BNIP2: variants seen among roughly 807,000 people sequenced by gnomAD.
BNIP2 encodes the protein BCL2 interacting protein 2.
BNIP2 carries 36 observed loss-of-function variants against 43.4 expected under a neutral mutation model. The ratio of observed to expected loss-of-function variants is 0.83; its 90% CI spans 0.64 to 1.10. The LOEUF is 1.10. BNIP2 is among the 50% of genes least tolerant of loss of function. The pLI is 0.00. For missense variants in BNIP2, 417 were observed against 374.1 expected (o/e 1.11, Z -0.95); for synonymous variants, 146 against 121.0 (o/e 1.21, Z -1.35).
At chr15:59,682,555 CT>C in intron 1 of BNIP2, 41 bp from the exon 2 acceptor site, 1 of 1,506,422 alleles carries the variant, frequency 6.6e-7, no homozygotes. Context: ...TTCCACTTTA[CT>C]TTTTATCCAC....
chr15:59,676,031 T>C (rs1278213385), intron 5 of BNIP2, among the ~76,000 whole-genome samples: 2 of 152,228 alleles, frequency 1.3e-5, no homozygotes, highest in African/African-American at 2.4e-5. Flanking sequence ...ATGGGTTTTA[T>C]ATATATGGGT....
At chr15:59,681,100 C>G (rs147058160) in intron 2 of BNIP2, among the ~76,000 whole-genome samples, 2 of 152,284 alleles carry the variant, frequency 1.3e-5, no homozygotes, top group East Asian at 1.9e-4. Flanking sequence ...TTTTTACTCA[C>G]GAGACTACAG....
intron 1 of BNIP2, 112 bp from the exon 2 acceptor site, chr15:59,682,626 G>T: frequency 1.3e-6 from 1 of 767,246 alleles, no homozygotes. Context: ...CAATGGTCTG[G>T]TCATGAAATT....
chr15:59,670,125 T>C (rs1892807942), intron 7 of BNIP2, among the ~76,000 whole-genome samples: 1 of 152,156 alleles, frequency 6.6e-6, no homozygotes. Context: ...TACAACTAAA[T>C]AAGCACCATT....
intron 9 of BNIP2, among the ~76,000 whole-genome samples, chr15:59,665,974 G>C (rs1243099666): frequency 1.2e-5 from 1 of 83,418 alleles, no homozygotes; most frequent in South Asian, 3.5e-4. Context: ...AAAAAATTTG[G>C]AATGTATTTC....
At chr15:59,666,032 C>A (rs1367563043) in intron 9 of BNIP2, among the ~76,000 whole-genome samples, 1 of 152,032 alleles carries the variant, frequency 6.6e-6, no homozygotes, top group African/African-American at 2.4e-5. Flanking sequence ...TCTGAAATAT[C>A]CTTACCAACT....
rs144747088 is a variant in BNIP2, at chr15:59,667,753, G to A, written c.893+1139C>T. On this transcript the variant is annotated intron_variant, in intron 9 of 9. Transcript: ENST00000607373. Reference sequence around the variant, plus strand: ...AAATATTTCAAAAGCACAAGTTAGCGATTTAAAGAAAATGGTGAAACAGAT... The same window carrying A: ...AAATATTTCAAAAGCACAAGTTAGCAATTTAAAGAAAATGGTGAAACAGAT... Among the ~76,000 whole-genome samples, 716 of 152,318 alleles carry A rather than the reference G, an allele frequency of 4.7e-3. 7 individuals are homozygous for A. The highest frequency in any genetic ancestry group is 0.017 in the African/African-American group (699 of 41,580).
At chr15:59,664,409 T>G (rs1892444812) in intron 9 of BNIP2, among the ~76,000 whole-genome samples, 1 of 151,808 alleles carries the variant, frequency 6.6e-6, no homozygotes. Flanking sequence ...TGAGACGGAG[T>G]CTTGCTCTGT....
intron 9 of BNIP2, 174 bp downstream of exon 9, chr15:59,668,718 G>C (rs930270996): frequency 1.9e-6 from 1 of 538,718 alleles, no homozygotes; most frequent in African/African-American, 2.0e-5. Context: ...AACTTAGGGG[G>C]ATGGTGTGGG....
rs1314786285 is a variant in BNIP2, at chr15:59,664,085, G to A, written c.929C>T (p.Pro310Leu). 4.5e-6 allele frequency: 7 copies of A among 1,546,438 alleles called. No homozygotes were observed. Among genetic ancestry groups the A allele is most frequent in the African/African-American group, 2.7e-5 (2 of 72,778 alleles). The change falls in exon 10 of 10, where the codon CCG (proline) becomes CTG (leucine). Residue 310 changes from proline to leucine, a missense_variant. By Grantham distance (98) the Pro-to-Leu change is moderately conservative (BLOSUM62 -3). Transcript: ENST00000607373. Reference sequence around the variant, plus strand: ...ATGCCAAACTTACTGTTCATTTTTCGGTTCATCTTGTTTTCCATTAAGTTC... The same window carrying A: ...ATGCCAAACTTACTGTTCATTTTTCAGTTCATCTTGTTTTCCATTAAGTTC... Reference protein sequence around the residue: ...DQELNGKQDEPKNEQ With the variant: ...DQELNGKQDELKNEQ
intron 5 of BNIP2, chr15:59,677,090 C>A: frequency 6.2e-7 from 1 of 1,609,772 alleles, no homozygotes. Flanking sequence ...AAAGCACTAC[C>A]TTCATAGAAA....
chr15:59,678,683 G>A, intron 4 of BNIP2: 2 of 1,197,966 alleles, frequency 1.7e-6, no homozygotes, highest in Non-Finnish European at 2.1e-6. Flanking sequence ...TATGTTTTGA[G>A]ATTGCAGTTT....
chr15:59,682,526 G>C lies in BNIP2; in HGVS notation c.-57-12C>G. The C allele has an allele frequency of 1.3e-6, 2 of 1,581,398 alleles. No homozygotes were observed. The highest frequency in any genetic ancestry group is 1.7e-6 in the Non-Finnish European group (2 of 1,164,218). On this transcript the variant is annotated splice_polypyrimidine_tract_variant and intron_variant, in intron 1 of 9. Coordinates refer to ENST00000607373, the MANE Select transcript of BNIP2 (RefSeq NM_004330.4). ...AGGGAGCCAATGTCCTATGAAGAGA[G>C]AAAAATGTATAACTTAATTTCCACT... is the stretch of plus-strand genomic sequence containing the variant.
intron 2 of BNIP2, among the ~76,000 whole-genome samples, chr15:59,681,416 GTT>G (rs536611243): frequency 5.1e-5 from 7 of 138,548 alleles, no homozygotes; most frequent in Non-Finnish European, 3.2e-5. Context: ...ACTTAGTAAG[GTT>G]TTTTTTTTTT....
At chr15:59,684,312 T>C (rs1425024268) in intron 1 of BNIP2, among the ~76,000 whole-genome samples, 1 of 152,222 alleles carries the variant, frequency 6.6e-6, no homozygotes, top group East Asian at 1.9e-4. Flanking sequence ...CATTTACATA[T>C]AGGAGTAAGG....
intron 1 of BNIP2, among the ~76,000 whole-genome samples, chr15:59,685,785 A>G (rs375664188): frequency 2.8e-4 from 43 of 152,288 alleles, no homozygotes; most frequent in South Asian, 2.7e-3. Context: ...AATTTAAACA[A>G]TTGAGGGAGT....
At chr15:59,680,926 A>G (rs1893628415) in intron 2 of BNIP2, among the ~76,000 whole-genome samples, 1 of 152,246 alleles carries the variant, frequency 6.6e-6, no homozygotes, top group African/African-American at 2.4e-5. Context: ...TCTGACTGTC[A>G]GAGCTGACTT....
rs183573691 is a variant in BNIP2, at chr15:59,669,367, A to C, written c.708-5T>G. On this transcript the variant is annotated splice_region_variant and splice_polypyrimidine_tract_variant and intron_variant, in intron 7 of 9. Transcript: ENST00000607373. ...GATTTTAGATTTTTCCGTAACCTGG[A>C]GTTTAAAAAAAAAACACACACACAC... is the stretch of plus-strand genomic sequence containing the variant. 27 of 1,477,408 alleles carry C rather than the reference A, an allele frequency of 1.8e-5. No homozygotes were observed. The East Asian group carries it at 3.8e-4, about 21-fold the overall frequency. 91.5% of individuals were successfully genotyped at this position (1,477,408 alleles called of 1,614,324 possible).
At chr15:59,684,739 C>G (rs1219628172) in intron 1 of BNIP2, among the ~76,000 whole-genome samples, 1 of 152,124 alleles carries the variant, frequency 6.6e-6, no homozygotes, top group Non-Finnish European at 1.5e-5. Context: ...ATTATCTTGT[C>G]GTACCTTTTT....
Sources: gnomAD v4.1 joint callset for allele counts (sites outside exome capture counted in the v4.1 genomes callset) on GRCh38, gnomAD v4.1.1 for gene constraint, MANE v1.5 for transcripts, NCBI Gene and HGNC (gene_info 2026-07-23, HGNC 2026-07-21) for gene names.